ACTR3C: variants seen among roughly 807,000 people sequenced by gnomAD.
ACTR3C encodes the protein actin related protein 3C.
In ACTR3C, 18 loss-of-function variants were observed where a neutral mutation model predicts 26.3. The ratio of observed to expected loss-of-function variants is 0.68; its 90% CI spans 0.47 to 1.01. The LOEUF is 1.01. Among genes scored for constraint, ACTR3C ranks in the 50% least tolerant of loss-of-function variants. ACTR3C has a pLI of 0.00. For missense variants in ACTR3C, 184 were observed against 250.7 expected (o/e 0.73, Z 1.80); for synonymous variants, 55 against 94.5 (o/e 0.58, Z 2.42).
chr7:150,225,037 G>GTGTGTGTT, the ACTR3C span, among the ~76,000 whole-genome samples: 1 of 151,672 alleles, frequency 6.6e-6, no homozygotes, highest in African/African-American at 2.4e-5. Context: ...GTGTGTGTGT[G>GTGTGTGTT]TGTGTGTGTT....
the ACTR3C span, among the ~76,000 whole-genome samples, chr7:150,118,761 G>A: frequency 7.1e-6 from 1 of 141,402 alleles, no homozygotes; most frequent in Non-Finnish European, 1.5e-5. Flanking sequence ...CTCGAGAAGG[G>A]CAACCCCAAG....
chr7:150,006,487 G>A, the ACTR3C span, among the ~76,000 whole-genome samples: 5 of 149,652 alleles, frequency 3.3e-5, no homozygotes, highest in South Asian at 4.4e-4. Flanking sequence ...ATGAGCCACC[G>A]CAAACGGCCC....
the ACTR3C span, among the ~76,000 whole-genome samples, chr7:149,929,555 C>T: frequency 6.5e-5 from 7 of 107,198 alleles, no homozygotes; most frequent in African/African-American, 1.5e-4. Flanking sequence ...TTTTTTGAGA[C>T]GGAGTCTCGC....
the ACTR3C span, among the ~76,000 whole-genome samples, chr7:150,195,573 T>C: frequency 4.0e-5 from 6 of 151,858 alleles, no homozygotes; most frequent in Admixed American, 1.3e-4. Flanking sequence ...CTTTCCAGCC[T>C]TTCAAAAAGA....
chr7:150,059,966 T>C, the ACTR3C span, among the ~76,000 whole-genome samples: 1 of 152,234 alleles, frequency 6.6e-6, no homozygotes, highest in Non-Finnish European at 1.5e-5. Flanking sequence ...TATAGAATTT[T>C]GTACCCAGAA....
At chr7:150,257,032 G>C (rs1833267383) in intron 6 of ACTR3C, among the ~76,000 whole-genome samples, 1 of 152,086 alleles carries the variant, frequency 6.6e-6, no homozygotes, top group East Asian at 1.9e-4. Flanking sequence ...TGAATATTTG[G>C]AAATTAAAGT....
chr7:149,985,541 G>A, the ACTR3C span, among the ~76,000 whole-genome samples: 1 of 152,168 alleles, frequency 6.6e-6, no homozygotes, highest in Non-Finnish European at 1.5e-5. Context: ...AGGATACCAA[G>A]GCACCACAGA....
the ACTR3C span, among the ~76,000 whole-genome samples, chr7:149,970,265 C>G: frequency 6.6e-6 from 1 of 151,432 alleles, no homozygotes; most frequent in Non-Finnish European, 1.5e-5. Context: ...AAGCATGCAG[C>G]AAAGGAAGGT....
downstream of ACTR3C, chr7:150,245,709 C>A (rs566651225): frequency 1.3e-5 from 2 of 152,142 alleles, no homozygotes; most frequent in South Asian, 2.1e-4. Flanking sequence ...CTTAATAATG[C>A]CACTTTTTGT....
intron 1 of ACTR3C, among the ~76,000 whole-genome samples, chr7:150,312,512 A>T (rs1169606817): frequency 5.3e-5 from 8 of 152,234 alleles, no homozygotes; most frequent in Non-Finnish European, 1.2e-4. Flanking sequence ...CTAAAAACTC[A>T]TCGCCACCTA....
the ACTR3C span, among the ~76,000 whole-genome samples, chr7:150,020,714 C>G: frequency 0.31 from 45,689 of 149,534 alleles, 6,293 homozygotes; most frequent in East Asian, 0.45. Context: ...TAAAACTAAT[C>G]TATTATTACT....
chr7:150,209,526 G>A, the ACTR3C span, among the ~76,000 whole-genome samples: 1 of 150,332 alleles, frequency 6.7e-6, no homozygotes, highest in Non-Finnish European at 1.5e-5. Context: ...TTCATATGGT[G>A]TTAGGATATA....
At chr7:149,885,363 A>T in the ACTR3C span, among the ~76,000 whole-genome samples, 1 of 152,184 alleles carries the variant, frequency 6.6e-6, no homozygotes, top group Non-Finnish European at 1.5e-5. Flanking sequence ...GCAAGAAGTA[A>T]GCCCCCAAGC....
At chr7:150,261,341 C>T (rs1055622431) in intron 6 of ACTR3C, among the ~76,000 whole-genome samples, 3 of 151,936 alleles carry the variant, frequency 2.0e-5, no homozygotes, top group African/African-American at 7.3e-5. Context: ...TCTTTTTCTA[C>T]TTGAAGCATT....
the ACTR3C span, among the ~76,000 whole-genome samples, chr7:150,236,149 C>CT: frequency 9.2e-5 from 14 of 152,340 alleles, no homozygotes; most frequent in African/African-American, 3.1e-4. Flanking sequence ...ATGTTGCTGT[C>CT]TCACATTTAA....
the ACTR3C span, among the ~76,000 whole-genome samples, chr7:150,057,430 G>A: frequency 1.1e-3 from 164 of 152,050 alleles, no homozygotes; most frequent in Non-Finnish European, 1.8e-3. Context: ...ACAGGCATGC[G>A]CCACCAGAGC....
chr7:149,941,304 C>A, the ACTR3C span, among the ~76,000 whole-genome samples: 1 of 152,182 alleles, frequency 6.6e-6, no homozygotes, highest in Non-Finnish European at 1.5e-5. Context: ...AACTGTTCTC[C>A]TGGCACAAGG....
At chr7:149,897,626 G>A in the ACTR3C span, among the ~76,000 whole-genome samples, 2 of 152,240 alleles carry the variant, frequency 1.3e-5, no homozygotes, top group Non-Finnish European at 2.9e-5. Context: ...AGCACTGTGG[G>A]AGGCCAAGGT....
the ACTR3C span, among the ~76,000 whole-genome samples, chr7:149,910,845 C>CA: frequency 0.045 from 6,546 of 146,656 alleles, 276 homozygotes; most frequent in East Asian, 0.24. Context: ...CTGGGGAAAC[C>CA]AAAAAAAAAA....
Sources: allele counts gnomAD v4.1 joint callset (sites outside exome capture counted in the v4.1 genomes callset), GRCh38; gene constraint gnomAD v4.1.1; transcripts MANE v1.5; gene names NCBI Gene and HGNC (gene_info 2026-07-23, HGNC 2026-07-21).